Variants in AGBL4 observed in about 807,000 individuals in gnomAD.
AGBL4 encodes cytosolic carboxypeptidase 6.
Under a neutral mutation model 66.4 loss-of-function variants are expected in AGBL4, and 58 were observed. The observed-to-expected ratio is 0.87, with a 90% CI of 0.71 to 1.09. The LOEUF is 1.09. Among genes scored for constraint, AGBL4 ranks in the 50% least tolerant of loss-of-function variants. The pLI, the probability that AGBL4 is intolerant of heterozygous loss-of-function variation, is 0.00. For missense variants in AGBL4, 579 were observed against 631.0 expected, an observed-to-expected ratio of 0.92 and a Z score of 0.88; for synonymous variants, 234 against 222.9, an observed-to-expected ratio of 1.05 and a Z score of -0.44.
At chr1:48,632,848 C>A (rs1246915082) in intron 9 of AGBL4, among the ~76,000 whole-genome samples, 1 of 152,240 alleles carries the variant, frequency 6.6e-6, no homozygotes, top group Non-Finnish European at 1.5e-5. Flanking sequence ...CAGAACTCTG[C>A]AGACTACAGA....
chr1:49,951,689 CTTTAAGATAGA>C (rs1487430358), intron 1 of AGBL4, among the ~76,000 whole-genome samples: 1 of 151,924 alleles, frequency 6.6e-6, no homozygotes, highest in East Asian at 1.9e-4. Context: ...ATATCAATTT[CTTTAAGATAGA>C]GAGAGACTCT....
At chr1:49,350,782 G>A (rs986582570) in intron 3 of AGBL4, among the ~76,000 whole-genome samples, 29 of 150,174 alleles carry the variant, frequency 1.9e-4, no homozygotes, top group African/African-American at 7.2e-4. Flanking sequence ...CAACTCCCCA[G>A]AGTCCATTAT....
intron 3 of AGBL4, among the ~76,000 whole-genome samples, chr1:49,265,255 G>T (rs1643892195): frequency 1.3e-5 from 2 of 152,146 alleles, no homozygotes; most frequent in Admixed American, 1.3e-4. Flanking sequence ...AATACAGAAG[G>T]TTTATAACTC....
At chr1:49,909,185 A>G (rs1051374569) in intron 1 of AGBL4, among the ~76,000 whole-genome samples, 15 of 152,216 alleles carry the variant, frequency 9.9e-5, no homozygotes, top group African/African-American at 3.6e-4. Context: ...GTTATAAAGA[A>G]TAAATAATAT....
intron 6 of AGBL4, chr1:48,776,874 C>A: frequency 1.9e-6 from 2 of 1,063,804 alleles, no homozygotes; most frequent in Non-Finnish European, 2.4e-6. Context: ...GCTCAGCCCG[C>A]GGGGCGGGCG....
intron 2 of AGBL4, among the ~76,000 whole-genome samples, chr1:49,834,437 A>C (rs1645789613): frequency 6.6e-6 from 1 of 152,054 alleles, no homozygotes; most frequent in South Asian, 2.1e-4. Flanking sequence ...TATCCCCTTT[A>C]TCATTTATTA....
intron 3 of AGBL4, among the ~76,000 whole-genome samples, chr1:49,329,734 A>C (rs951665380): frequency 6.6e-6 from 1 of 151,882 alleles, no homozygotes; most frequent in Non-Finnish European, 1.5e-5. Context: ...GTCTATCAAA[A>C]TTCTATTAAT....
intron 4 of AGBL4, among the ~76,000 whole-genome samples, chr1:49,235,184 C>T (rs1432977916): frequency 6.6e-6 from 1 of 152,156 alleles, no homozygotes; most frequent in Non-Finnish European, 1.5e-5. Context: ...AGGCTCAGGT[C>T]CTTCCTTCCA....
At chr1:48,595,624 C>A (rs1409862572) in intron 9 of AGBL4, among the ~76,000 whole-genome samples, 1 of 152,224 alleles carries the variant, frequency 6.6e-6, no homozygotes, top group Non-Finnish European at 1.5e-5. Flanking sequence ...GCCAGCAGCT[C>A]CTCTTGCAAT....
chr1:49,612,016 AGTT>A (rs1450059593), intron 3 of AGBL4, among the ~76,000 whole-genome samples: 1 of 152,244 alleles, frequency 6.6e-6, no homozygotes, highest in African/African-American at 2.4e-5. Flanking sequence ...TGTCTGAGAA[AGTT>A]AAAAGCCTTA....
chr1:48,774,886 C>A (rs146103784), intron 6 of AGBL4, among the ~76,000 whole-genome samples: 1 of 152,218 alleles, frequency 6.6e-6, no homozygotes, highest in African/African-American at 2.4e-5. Flanking sequence ...AAACTTATCA[C>A]TGACTCTCTT....
rs1390399253 is a variant in AGBL4, at chr1:49,618,025, C to T, written c.282+79288G>A. Among the ~76,000 whole-genome samples the T allele has an allele frequency of 2.0e-5, 3 of 152,132 alleles. No individual in the cohort carries two copies. In the East Asian group the frequency reaches 5.8e-4, roughly 29 times the overall value. ...CCCCAGCCTCCCAACACCCGACACG[C>T]CCTGGTGTGTGATGTTCCCCTCCCT... On this transcript the variant is annotated intron_variant, in intron 3 of 13. Coordinates refer to ENST00000371839, the MANE Select transcript of AGBL4 (RefSeq NM_032785.4).
chr1:49,495,352 G>GT (rs1289825869), intron 3 of AGBL4, among the ~76,000 whole-genome samples: 3 of 152,010 alleles, frequency 2.0e-5, no homozygotes, highest in Admixed American at 2.0e-4. Context: ...AACATTATGA[G>GT]TTTTTTGCTA....
In AGBL4 at chr1:48,680,522, T is replaced by A. The variant is rs1373718723; in HGVS notation, c.635-17281A>T. 2.0e-5 allele frequency among the ~76,000 whole-genome samples: 3 copies of A among 152,074 alleles called. No individual in the cohort carries two copies. The East Asian group carries it at 5.8e-4, about 29-fold the overall frequency. ...ACAAAACAGCTCTCAACACAATCACTCCCCGACCCTGTCCCAGAGGATAGC... is the reference window on the plus strand; with the variant it reads ...ACAAAACAGCTCTCAACACAATCACACCCCGACCCTGTCCCAGAGGATAGC... On this transcript the variant is annotated intron_variant, in intron 6 of 13. Transcript: ENST00000371839.
chr1:49,117,711 T>G lies in AGBL4; in HGVS notation c.378-71911A>C, dbSNP rs182573991. ...TTGTCTTGGCAATATGGGCTCTTTT[T>G]TGGTTCCATATGAACTTTAAAGTAG... On this transcript the variant is annotated intron_variant, in intron 4 of 13. Transcript: ENST00000371839. 1.4e-3 allele frequency among the ~76,000 whole-genome samples: 215 copies of G among 152,338 alleles called. 1 individual carries two copies. Among genetic ancestry groups the G allele is most frequent in the Middle Eastern group, 6.8e-3 (2 of 294 alleles).
intron 4 of AGBL4, among the ~76,000 whole-genome samples, chr1:49,193,196 A>T (rs1647156383): frequency 6.7e-6 from 1 of 149,918 alleles, no homozygotes; most frequent in Non-Finnish European, 1.5e-5. Flanking sequence ...TTTGGTCCCA[A>T]TTTCATTTTA....
intron 6 of AGBL4, among the ~76,000 whole-genome samples, chr1:48,860,884 AT>A (rs1460667337): frequency 6.6e-6 from 1 of 152,208 alleles, no homozygotes; most frequent in East Asian, 1.9e-4. Context: ...AAGAAATCGA[AT>A]GCTAAAAATG....
At chr1:49,790,814 A>G (rs997218730) in intron 2 of AGBL4, among the ~76,000 whole-genome samples, 49 of 152,326 alleles carry the variant, frequency 3.2e-4, no homozygotes, top group African/African-American at 1.2e-3. Flanking sequence ...AAGCCAGGTG[A>G]AAACCTGTAT....
Position 49,489,498 on chromosome 1 carries a change from CTTGA to C in AGBL4, c.282+207811_282+207814del, listed in dbSNP as rs565939623. Among the ~76,000 whole-genome samples the C allele has an allele frequency of 1.8e-3, 268 of 151,706 alleles. 8 individuals are homozygous for C. The South Asian group carries it at 0.055, about 31-fold the overall frequency. ...ATTCTGTGGTTTCCCTCTCCACTTTCTTGATTGTTTCTTTTGCTGTGCAGAAGCT... is the reference window on the plus strand; with the variant it reads ...ATTCTGTGGTTTCCCTCTCCACTTTCTTGTTTCTTTTGCTGTGCAGAAGCT... On this transcript the variant is annotated intron_variant, in intron 3 of 13. Transcript: ENST00000371839.
Sources: allele counts gnomAD v4.1 joint callset (sites outside exome capture counted in the v4.1 genomes callset), GRCh38; gene constraint gnomAD v4.1.1; transcripts MANE v1.5; gene names NCBI Gene and HGNC (gene_info 2026-07-23, HGNC 2026-07-21).